The following HSPG2 variants were observed in gnomAD, a reference collection of about 807,000 sequenced individuals.
The protein encoded by HSPG2 is heparan sulfate proteoglycan 2.
Under a neutral mutation model 526.6 loss-of-function variants are expected in HSPG2, and 278 were observed. The observed-to-expected ratio is 0.53, with a 90% CI of 0.48 to 0.58. HSPG2 has a LOEUF of 0.58. HSPG2 is among the 20% of genes least tolerant of loss of function. The pLI, the probability that HSPG2 is intolerant of heterozygous loss-of-function variation, is 0.00. For synonymous variants in HSPG2, 2,465 were observed against 2,555.4 expected (o/e 0.96, Z 1.07); for missense variants, 5,354 against 6,099.5 (o/e 0.88, Z 4.07).
rs1460238447 is a variant in HSPG2, at chr1:21,823,064, C to T, written c.*252G>A. ...TTCTGGGCCCACCCAGCCACTGTTCCTGACCCCAAGTCCTGGTGACTTTCT... is the reference window on the plus strand; with the variant it reads ...TTCTGGGCCCACCCAGCCACTGTTCTTGACCCCAAGTCCTGGTGACTTTCT... On this transcript the variant is annotated 3_prime_UTR_variant, in exon 97 of 97. Coordinates refer to ENST00000374695, the MANE Select transcript of HSPG2 (RefSeq NM_005529.7). The T allele has an allele frequency of 7.4e-6, 3 of 407,924 alleles. No individual in the cohort carries two copies. The highest frequency in any genetic ancestry group is 1.3e-5 in the Non-Finnish European group (3 of 231,486). 25.3% of individuals were successfully genotyped at this position (407,924 alleles called of 1,614,324 possible).
At chr1:21,884,472 G>A in intron 13 of HSPG2, 56 bp downstream of exon 13, 1 of 1,607,506 alleles carries the variant, frequency 6.2e-7, no homozygotes, top group South Asian at 1.1e-5. Context: ...GTGCCCCCTG[G>A]GTACAGAGGT....
In HSPG2 at chr1:21,864,006, G is replaced by A; in HGVS notation, c.4740+94C>T. ...ACCACAGGCCATGCCCCATGATCCTGATCCCCTGGATTGATGCCTGCCTTG... is the reference window on the plus strand; with the variant it reads ...ACCACAGGCCATGCCCCATGATCCTAATCCCCTGGATTGATGCCTGCCTTG... On this transcript the variant is annotated intron_variant, in intron 37 of 96. Transcript: ENST00000374695. This position sits in a 1 kb window ranked among gnomAD's most constrained non-coding sequence, Gnocchi z 4.8. 1.0e-6 allele frequency: 1 copy of A among 984,260 alleles called. No individual in the cohort carries two copies. Among genetic ancestry groups the A allele is most frequent in the South Asian group, 1.4e-5 (1 of 72,240 alleles). The allele number at this position is 984,260 out of a possible 1,614,324, so 61.0% of individuals were successfully genotyped here. A position where few individuals can be genotyped will look rare whatever the true frequency, so the allele number is the denominator to read the frequency against.
intron 33 of HSPG2, chr1:21,869,502 AGAG>A (rs1264935753): frequency 7.0e-4 from 679 of 976,146 alleles, no homozygotes; most frequent in South Asian, 9.5e-4. Context: ...AAGCTGAGGA[AGAG>A]GAGGAGGAGG....
At position 21,824,463 on chromosome 1, in the gene HSPG2, C is replaced by T. The variant is rs907179124; in HGVS notation, c.12744+74G>A. On this transcript the variant is annotated intron_variant, in intron 93 of 96. Transcript: ENST00000374695. The surrounding 1 kb of genome is among the most constrained non-coding windows in gnomAD (Gnocchi z 5.9). ...AGGGGGCTCTGCTTTCCCCTCCCCC[C>T]ACCACTCCGGCCACCAGGAAGCCAG... 8.1e-6 allele frequency: 13 copies of T among 1,603,176 alleles called. No individual in the cohort carries two copies. The highest frequency in any genetic ancestry group is 1.8e-4 in the Middle Eastern group (1 of 5,410).
chr1:21,932,876 G>A (rs773540400), intron 1 of HSPG2, among the ~76,000 whole-genome samples: 77 of 152,162 alleles, frequency 5.1e-4, no homozygotes, highest in Admixed American at 1.5e-3. Context: ...ACCAGCCTGG[G>A]CAATACAACA....
At chr1:21,931,258 C>T (rs1039288163) in intron 1 of HSPG2, among the ~76,000 whole-genome samples, 1 of 152,236 alleles carries the variant, frequency 6.6e-6, no homozygotes, top group Non-Finnish European at 1.5e-5. Context: ...CTGACGCCAC[C>T]AGGCTGGGCA....
In HSPG2 at chr1:21,847,334, C is replaced by G. The variant is rs763713649; in HGVS notation, c.8164+20G>C. 6.2e-7 allele frequency: 1 copy of G among 1,613,798 alleles called. No individual in the cohort carries two copies. Among genetic ancestry groups the G allele is most frequent in the East Asian group, 2.2e-5 (1 of 44,884 alleles). ...AACACTGTTGCCTGCATCCCTCGTC[C>G]CTTTCCTAGGCAGACTCACCGGAGG... On this transcript the variant is annotated intron_variant, in intron 62 of 96. Transcript: ENST00000374695. This position sits in a 1 kb window ranked among gnomAD's most constrained non-coding sequence, Gnocchi z 4.1.
Position 21,865,425 on chromosome 1 carries a change from T to A in HSPG2, c.4315-60A>T. On this transcript the variant is annotated intron_variant, in intron 34 of 96. Coordinates refer to ENST00000374695, the MANE Select transcript of HSPG2 (RefSeq NM_005529.7). This position sits in a 1 kb window ranked among gnomAD's most constrained non-coding sequence, Gnocchi z 5.4. ...GAGGGGTCCCTGGGGTGCCAGGGTG[T>A]CCTCCACCAGTCCTAGATTCTCTGT... 1 of 1,467,276 alleles carries A rather than the reference T, an allele frequency of 6.8e-7. No homozygotes were observed. The highest frequency in any genetic ancestry group is 9.5e-7 in the Non-Finnish European group (1 of 1,047,698). 90.9% of individuals were successfully genotyped at this position (1,467,276 alleles called of 1,614,324 possible).
intron 1 of HSPG2, among the ~76,000 whole-genome samples, chr1:21,933,598 C>G (rs1644403847): frequency 6.6e-6 from 1 of 152,246 alleles, no homozygotes. Context: ...ACCCACAGAT[C>G]CTAACTTGTC....
At chr1:21,881,844 G>A (rs1342063216) in intron 13 of HSPG2, among the ~76,000 whole-genome samples, 2 of 150,298 alleles carry the variant, frequency 1.3e-5, no homozygotes, top group Non-Finnish European at 2.9e-5. Context: ...TCAGGAGGCT[G>A]AGACAGCAGA....
chr1:21,931,132 C>T (rs1644335684), intron 1 of HSPG2, among the ~76,000 whole-genome samples: 1 of 152,220 alleles, frequency 6.6e-6, no homozygotes, highest in African/African-American at 2.4e-5. Context: ...AAAGGCCTCA[C>T]ATTCCCAGGC....
rs2097985386 is a variant in HSPG2 at position 21,828,211 on chromosome 1, C to G, written c.12409+44G>C. On this transcript the variant is annotated intron_variant, in intron 89 of 96. Coordinates refer to ENST00000374695, the MANE Select transcript of HSPG2 (RefSeq NM_005529.7). The surrounding 1 kb of genome is among the most constrained non-coding windows in gnomAD (Gnocchi z 6.0). Reference sequence around the variant, plus strand: ...GGCATGGGCTGGAGGTGTCGCTGACCACCTGTGCCCCTCCCCTCCGGTGCC... The same window carrying G: ...GGCATGGGCTGGAGGTGTCGCTGACGACCTGTGCCCCTCCCCTCCGGTGCC... The G allele has an allele frequency of 1.9e-6, 3 of 1,613,000 alleles. No individual in the cohort carries two copies. In the African/African-American group the frequency reaches 4.0e-5, roughly 21 times the overall value.
intron 1 of HSPG2, among the ~76,000 whole-genome samples, chr1:21,896,994 G>A (rs570369317): frequency 1.0e-3 from 156 of 152,318 alleles, no homozygotes; most frequent in African/African-American, 3.5e-3. Flanking sequence ...TCAACTCCAC[G>A]TGACCTCAGG....
rs149481777 is a variant in HSPG2 at position 21,872,443 on chromosome 1, C to T, written c.4030-66G>A. 1.2e-4 allele frequency: 169 copies of T among 1,465,800 alleles called. No individual in the cohort carries two copies. In the East Asian group the frequency reaches 1.9e-3, roughly 16 times the overall value. The allele number at this position is 1,465,800 out of a possible 1,614,324, so 90.8% of individuals were successfully genotyped here. The stretch of plus-strand genomic sequence containing the variant: ...GGGTGCCTTGGTGGGGGATGGGGCA[C>T]GGGAGGGTGTTAAGGTGCGGAATGG... On this transcript the variant is annotated intron_variant, in intron 32 of 96. Transcript: ENST00000374695. The surrounding 1 kb of genome is among the most constrained non-coding windows in gnomAD (Gnocchi z 5.5).
intron 1 of HSPG2, among the ~76,000 whole-genome samples, chr1:21,928,423 T>C (rs927741162): frequency 7.2e-5 from 11 of 152,192 alleles, no homozygotes; most frequent in Admixed American, 2.0e-4. Context: ...AGCCATTAAT[T>C]TGCTCACTTG....
intron 6 of HSPG2, 111 bp from the exon 7 acceptor site, chr1:21,888,177 C>G: frequency 1.4e-6 from 2 of 1,447,894 alleles, no homozygotes; most frequent in Non-Finnish European, 1.9e-6. Flanking sequence ...TCAGGCAGCT[C>G]GGTTTCTGGC....
rs769881797 is a variant in HSPG2, at chr1:21,864,073, CCT to C, written c.4740+25_4740+26del. 18 of 1,525,472 alleles carry C rather than the reference CCT, an allele frequency of 1.2e-5. No homozygotes were observed. The African/African-American group carries it at 1.7e-4, about 14-fold the overall frequency. The allele number at this position is 1,525,472 out of a possible 1,614,324, so 94.5% of individuals were successfully genotyped here. ...CACCCAGGCCCAGCTGAGCTGACCC[CCT>C]GTCCTGGCCTCGCTTGCAGCTCACC... On this transcript the variant is annotated intron_variant, in intron 37 of 96. Coordinates refer to ENST00000374695, the MANE Select transcript of HSPG2 (RefSeq NM_005529.7). The surrounding 1 kb of genome is among the most constrained non-coding windows in gnomAD (Gnocchi z 4.8).
rs780698968 is a variant in HSPG2, at chr1:21,874,907, C to T, written c.3398G>A (p.Arg1133His). Residue 1133 changes from arginine (R) to histidine (H), a missense_variant, in exon 26 of 97, where the codon CGT becomes CAT. Coordinates refer to ENST00000374695, the MANE Select transcript of HSPG2 (RefSeq NM_005529.7). ...VEQCSCPPGY[R>H]GPSCQDCDTG... ...AGGACTCACCTGGCAGGACGGCCCA[C>T]GGTACCCGGGTGGGCAGGAGCACTG... 28 of 1,612,216 alleles carry T rather than the reference C, an allele frequency of 1.7e-5. No individual in the cohort carries two copies. In the African/African-American group the frequency reaches 2.1e-4, roughly 12 times the overall value.
intron 21 of HSPG2, 138 bp downstream of exon 21, chr1:21,878,048 G>T: frequency 1.3e-6 from 1 of 752,480 alleles, no homozygotes; most frequent in Non-Finnish European, 2.2e-6. Context: ...AAGGCCGGTG[G>T]GCCAGGTCCA....
Sources: allele counts gnomAD v4.1 joint callset (sites outside exome capture counted in the v4.1 genomes callset), GRCh38; gene constraint gnomAD v4.1.1; non-coding constraint Gnocchi (gnomAD v3.1); transcripts MANE v1.5; gene names NCBI Gene and HGNC (gene_info 2026-07-23, HGNC 2026-07-21).